The following MCTP1 variants were observed in gnomAD, a reference collection of about 807,000 sequenced individuals.
MCTP1 encodes the protein multiple C2 and transmembrane domain-containing protein 1.
Under a neutral mutation model 120.6 loss-of-function variants are expected in MCTP1, and 69 were observed. The observed-to-expected ratio is 0.57, with a 90% CI of 0.47 to 0.70. MCTP1 has a LOEUF of 0.70. Among genes scored for constraint, MCTP1 ranks in the 30% least tolerant of loss-of-function variants. The probability of loss-of-function intolerance (pLI) is 0.00; values close to 1 mark genes in which losing one functional copy is unlikely to be tolerated. For synonymous variants in MCTP1, 529 were observed against 493.1 expected (o/e 1.07, Z -0.96); for missense variants, 1,203 against 1,248.8 (o/e 0.96, Z 0.55).
At chr5:95,016,112 A>G (rs966965909) in intron 2 of MCTP1, among the ~76,000 whole-genome samples, 1 of 152,148 alleles carries the variant, frequency 6.6e-6, no homozygotes, top group African/African-American at 2.4e-5. Context: ...TTATTTTGAA[A>G]ACGTCTCCTA....
chr5:95,015,134 T>C (rs1836846459), intron 2 of MCTP1, among the ~76,000 whole-genome samples: 1 of 152,164 alleles, frequency 6.6e-6, no homozygotes, highest in African/African-American at 2.4e-5. Flanking sequence ...GTATATATTA[T>C]AACTTTTATA....
chr5:94,750,636 C>T (rs140940643), intron 19 of MCTP1, among the ~76,000 whole-genome samples: 147 of 152,248 alleles, frequency 9.7e-4, no homozygotes, highest in African/African-American at 3.3e-3. Context: ...TAGGGCTTAA[C>T]GTGAGGGTGA....
At chr5:94,911,153 A>C (rs768159394) in intron 9 of MCTP1, among the ~76,000 whole-genome samples, 10 of 152,208 alleles carry the variant, frequency 6.6e-5, no homozygotes, top group African/African-American at 1.4e-4. Context: ...AAGGGACCTA[A>C]GCAGGCTGTT....
Position 94,841,342 on chromosome 5 carries a change from G to A in MCTP1, c.2436+26991C>T, listed in dbSNP as rs117590295. ...GGTCAATCATGAAGATTGGCATTTC[G>A]ATTGGAAAAGTTCTTAGGATATAAT... On this transcript the variant is annotated intron_variant, in intron 17 of 22. Coordinates refer to ENST00000515393, the MANE Select transcript of MCTP1 (RefSeq NM_024717.7). 5.2e-4 allele frequency among the ~76,000 whole-genome samples: 79 copies of A among 152,262 alleles called. No individual in the cohort carries two copies. In the East Asian group the frequency reaches 7.7e-3, roughly 15 times the overall value.
intron 1 of MCTP1, among the ~76,000 whole-genome samples, chr5:95,053,387 C>T (rs1746512584): frequency 6.6e-6 from 1 of 152,126 alleles, no homozygotes; most frequent in Non-Finnish European, 1.5e-5. Flanking sequence ...TAAACACAGG[C>T]CATGAGCTTC....
intron 2 of MCTP1, among the ~76,000 whole-genome samples, chr5:94,963,245 G>A (rs1455453093): frequency 1.3e-5 from 2 of 151,926 alleles, no homozygotes; most frequent in Admixed American, 6.6e-5. Context: ...TGGCTATTGT[G>A]AATAATGCTG....
At chr5:95,194,376 G>A (rs750233495) in intron 1 of MCTP1, among the ~76,000 whole-genome samples, 1 of 152,114 alleles carries the variant, frequency 6.6e-6, no homozygotes, top group Non-Finnish European at 1.5e-5. Context: ...TCACTCTACT[G>A]CGTGGAAAAA....
At position 95,274,834 on chromosome 5, in the gene MCTP1, A is replaced by G. The variant is rs563575355; in HGVS notation, c.720+9022T>C. On this transcript the variant is annotated intron_variant, in intron 1 of 22. Coordinates refer to ENST00000515393, the MANE Select transcript of MCTP1 (RefSeq NM_024717.7). ...GAGACGGGGTTTCATCATGTTAGCC[A>G]GGATGGTCTCGATCTCCTGACCTCG... 5.3e-5 allele frequency among the ~76,000 whole-genome samples: 8 copies of G among 152,194 alleles called. No individual in the cohort carries two copies. The South Asian group carries it at 1.7e-3, about 32-fold the overall frequency.
intron 1 of MCTP1, among the ~76,000 whole-genome samples, chr5:95,200,160 CAA>C (rs61616371): frequency 1.1e-4 from 13 of 122,158 alleles, no homozygotes; most frequent in Non-Finnish European, 1.0e-4. Flanking sequence ...GACACTATCT[CAA>C]AAAAAAAAAA....
Position 95,253,880 on chromosome 5 carries a change from A to G in MCTP1, c.720+29976T>C, listed in dbSNP as rs541278267. On this transcript the variant is annotated intron_variant, in intron 1 of 22. Transcript: ENST00000515393. ...CAGTATACTGCTCTTGTATATTTGC[A>G]ATTTTCAGGATTGGTAAATATACTG... 9.7e-4 allele frequency among the ~76,000 whole-genome samples: 148 copies of G among 152,198 alleles called. 1 individual carries two copies. The highest frequency in any genetic ancestry group is 3.4e-3 in the Admixed American group (52 of 15,274).
chr5:94,784,565 C>T (rs566584442), intron 18 of MCTP1, among the ~76,000 whole-genome samples: 119 of 152,108 alleles, frequency 7.8e-4, no homozygotes, highest in African/African-American at 2.7e-3. Flanking sequence ...ATTCACTCCA[C>T]GTTTGTAAGA....
chr5:94,949,528 GT>G (rs879942448), intron 3 of MCTP1, among the ~76,000 whole-genome samples: 7 of 151,384 alleles, frequency 4.6e-5, no homozygotes, highest in African/African-American at 7.3e-5. Context: ...ATTTTGTGTA[GT>G]TTTTTTTAAT....
At chr5:94,884,080 C>A (rs530448363) in intron 12 of MCTP1, among the ~76,000 whole-genome samples, 3 of 152,232 alleles carry the variant, frequency 2.0e-5, no homozygotes, top group East Asian at 1.9e-4. Context: ...ACCTTCATGA[C>A]ACACTCAAGC....
At chr5:94,861,863 C>T (rs1343546818) in intron 17 of MCTP1, among the ~76,000 whole-genome samples, 1 of 151,672 alleles carries the variant, frequency 6.6e-6, no homozygotes, top group African/African-American at 2.4e-5. Context: ...GTCTGGGGGG[C>T]TGAAACTACC....
intron 17 of MCTP1, among the ~76,000 whole-genome samples, chr5:94,830,639 C>G (rs1045280129): frequency 1.3e-5 from 2 of 152,132 alleles, no homozygotes; most frequent in Non-Finnish European, 1.5e-5. Context: ...TCCAGCATCT[C>G]CAATATGAGA....
chr5:95,049,110 A>ATGCTTC (rs1422747048), intron 1 of MCTP1, among the ~76,000 whole-genome samples: 24 of 152,144 alleles, frequency 1.6e-4, no homozygotes, highest in Admixed American at 1.2e-3. Flanking sequence ...AAGAAGAATT[A>ATGCTTC]TGCTTCTGAA....
At chr5:95,085,805 T>C (rs28517385) in intron 1 of MCTP1, among the ~76,000 whole-genome samples, 2 of 152,122 alleles carry the variant, frequency 1.3e-5, no homozygotes, top group Admixed American at 6.5e-5. Flanking sequence ...TTTTGTTTTT[T>C]GTTTTTGATT....
At chr5:95,200,152 C>T (rs186105256) in intron 1 of MCTP1, among the ~76,000 whole-genome samples, 1,568 of 143,156 alleles carry the variant, frequency 0.011, 14 homozygotes, top group Middle Eastern at 0.033. Flanking sequence ...CAGAGTGAGA[C>T]ACTATCTCAA....
At chr5:94,971,806 T>C (rs1252415535) in intron 2 of MCTP1, among the ~76,000 whole-genome samples, 1 of 152,166 alleles carries the variant, frequency 6.6e-6, no homozygotes, top group Non-Finnish European at 1.5e-5. Context: ...AAAAATAAAC[T>C]TCTATTACAT....
Sources: allele counts gnomAD v4.1 joint callset (sites outside exome capture counted in the v4.1 genomes callset), GRCh38; gene constraint gnomAD v4.1.1; transcripts MANE v1.5; gene names NCBI Gene and HGNC (gene_info 2026-07-23, HGNC 2026-07-21).